Variants in STPG4 observed in about 807,000 individuals in gnomAD.
The protein encoded by STPG4 is protein STPG4.
A neutral mutation model predicts 31.5 loss-of-function variants in STPG4; 41 were observed. That is an observed-to-expected ratio of 1.30 (90% CI 1.01 to 1.69). STPG4 has a LOEUF of 1.69. STPG4 is among the 40% of genes most tolerant of loss of function. STPG4 has a pLI of 0.00. For missense variants in STPG4, 375 were observed against 293.4 expected (o/e 1.28, Z -2.03); for synonymous variants, 141 against 103.0 (o/e 1.37, Z -2.24).
At chr2:47,119,889 G>T (rs7584001) in intron 5 of STPG4, among the ~76,000 whole-genome samples, 20,260 of 152,148 alleles carry the variant, frequency 0.13, 1,517 homozygotes, top group African/African-American at 0.18. Flanking sequence ...AGACATTACA[G>T]GCAAAATTGT....
At chr2:47,142,614 G>C (rs1686737806) in intron 3 of STPG4, among the ~76,000 whole-genome samples, 1 of 152,028 alleles carries the variant, frequency 6.6e-6, no homozygotes, top group Admixed American at 6.6e-5. Flanking sequence ...TAGTCTCCTT[G>C]CTCCCTATCT....
At chr2:47,123,891 G>A (rs1041399671) in intron 5 of STPG4, among the ~76,000 whole-genome samples, 1 of 152,084 alleles carries the variant, frequency 6.6e-6, no homozygotes, top group Non-Finnish European at 1.5e-5. Context: ...AATAGTAACA[G>A]CAGGATAAAT....
At chr2:47,152,247 T>A (rs1261581819) in intron 2 of STPG4, among the ~76,000 whole-genome samples, 1 of 152,194 alleles carries the variant, frequency 6.6e-6, no homozygotes, top group Non-Finnish European at 1.5e-5. Flanking sequence ...TGAAGGATAA[T>A]GACATGACAC....
chr2:47,099,255 G>A (rs1434268503), intron 5 of STPG4, among the ~76,000 whole-genome samples: 1 of 152,160 alleles, frequency 6.6e-6, no homozygotes, highest in Non-Finnish European at 1.5e-5. Flanking sequence ...GGAGCAGAAG[G>A]CAACCCACAA....
At chr2:47,144,629 G>C (rs770280372) in intron 3 of STPG4, among the ~76,000 whole-genome samples, 1 of 152,102 alleles carries the variant, frequency 6.6e-6, no homozygotes, top group Non-Finnish European at 1.5e-5. Flanking sequence ...TCTGGTTTCT[G>C]CAAATGACAT....
chr2:47,151,561 T>G, intron 2 of STPG4, 46 bp from the exon 3 acceptor site: 1 of 1,559,188 alleles, frequency 6.4e-7, no homozygotes, highest in Non-Finnish European at 8.8e-7. Flanking sequence ...AACATGTAAC[T>G]TCTCCTAAAA....
At chr2:47,139,324 A>G (rs1247459838) in intron 3 of STPG4, among the ~76,000 whole-genome samples, 1 of 152,112 alleles carries the variant, frequency 6.6e-6, no homozygotes, top group African/African-American at 2.4e-5. Context: ...CTCCTTTATT[A>G]AGTAATGCCC....
rs1485247429 is a variant in STPG4, at chr2:47,112,260, A to T, written c.519+17681T>A. Among the ~76,000 whole-genome samples the T allele has an allele frequency of 2.6e-5, 4 of 152,194 alleles. No individual in the cohort carries two copies. In the South Asian group the frequency reaches 6.2e-4, roughly 24 times the overall value. On this transcript the variant is annotated intron_variant, in intron 5 of 6. Coordinates refer to ENST00000445927, the MANE Select transcript of STPG4 (RefSeq NM_001163561.2). ...CCGCTCACTGCAAACTCTGCCTCTC[A>T]GGTTCAAGCTATTCTTGGGCTTCAT... is the stretch of plus-strand genomic sequence containing the variant.
At chr2:47,152,255 C>G (rs4953469) in intron 2 of STPG4, among the ~76,000 whole-genome samples, 21,080 of 152,182 alleles carry the variant, frequency 0.14, 1,935 homozygotes, top group African/African-American at 0.25. Flanking sequence ...AATGACATGA[C>G]ACCAGGATAA....
intron 5 of STPG4, among the ~76,000 whole-genome samples, chr2:47,106,473 A>C (rs1299889310): frequency 1.3e-5 from 2 of 151,642 alleles, no homozygotes; most frequent in African/African-American, 2.4e-5. Context: ...ACTACCACAC[A>C]CTCTCAAAGG....
chr2:47,151,360 A>G lies in STPG4; in HGVS notation c.297T>C (p.Tyr99=). 3 of 1,614,212 alleles carry G rather than the reference A, an allele frequency of 1.9e-6. No homozygotes were observed. Among genetic ancestry groups the G allele is most frequent in the Non-Finnish European group, 2.5e-6 (3 of 1,180,044 alleles). Residue 99 remains tyrosine, a synonymous_variant, in exon 3 of 7, where the codon TAT becomes TAC. Transcript: ENST00000445927. Reference sequence around the variant, plus strand: ...ACAGGTCCAGGAAGTCAGGAGGCATATACTGCGGAAGATCATTTAGGACTG... The same window carrying G: ...ACAGGTCCAGGAAGTCAGGAGGCATGTACTGCGGAAGATCATTTAGGACTG... ...NNPVLNDLPQ[Y]MPPDFLDLLK... is the part of the protein sequence containing the mutation.
At position 47,151,466 on chromosome 2, in the gene STPG4, G is replaced by A; in HGVS notation, c.191C>T (p.Ser64Phe). The A allele has an allele frequency of 1.2e-6, 2 of 1,613,886 alleles. No individual in the cohort carries two copies. Among genetic ancestry groups the A allele is most frequent in the Non-Finnish European group, 1.7e-6 (2 of 1,179,780 alleles). Residue 64 changes from serine (S) to phenylalanine (F), a missense_variant, in exon 3 of 7, where the codon TCC becomes TTC. By Grantham distance (155) the Ser-to-Phe change is radical. Transcript: ENST00000445927. Reference sequence around the variant, plus strand: ...GGTTGCTATCACTGGATTTAATAGGGATTCTTCAATAAAAGTTTTCAAGTG... The same window carrying A: ...GGTTGCTATCACTGGATTTAATAGGAATTCTTCAATAAAAGTTTTCAAGTG... Reference protein sequence around the residue: ...TYHLKTFIEESLLNPVIATYN... With the variant: ...TYHLKTFIEEFLLNPVIATYN...
intron 6 of STPG4, among the ~76,000 whole-genome samples, chr2:47,089,447 C>T (rs1196413510): frequency 6.6e-6 from 1 of 152,152 alleles, no homozygotes; most frequent in Non-Finnish European, 1.5e-5. Flanking sequence ...AGTGGCAGTA[C>T]TAGTCCTCTC....
chr2:47,120,316 G>A (rs1167286459), intron 5 of STPG4, among the ~76,000 whole-genome samples: 1 of 152,180 alleles, frequency 6.6e-6, no homozygotes, highest in Non-Finnish European at 1.5e-5. Flanking sequence ...GGGCGACAGA[G>A]TGAGACTCTG....
Position 47,132,151 on chromosome 2 carries a change from C to T in STPG4, c.400-1891G>A, listed in dbSNP as rs568197191. Among the ~76,000 whole-genome samples the T allele has an allele frequency of 2.5e-3, 354 of 140,022 alleles. 2 individuals carry two copies. The highest frequency in any genetic ancestry group is 9.1e-3 in the African/African-American group (336 of 36,726). 91.9% of individuals were successfully genotyped at this position (140,022 alleles called of 152,430 possible). ...CTGGACTCCAGCCTGGGAAACAGAGCGAGACTCACTCTGAAAAAAAAAAAA... is the reference window on the plus strand; with the variant it reads ...CTGGACTCCAGCCTGGGAAACAGAGTGAGACTCACTCTGAAAAAAAAAAAA... On this transcript the variant is annotated intron_variant, in intron 3 of 6. Coordinates refer to ENST00000445927, the MANE Select transcript of STPG4 (RefSeq NM_001163561.2).
At chr2:47,136,504 C>A (rs78059288) in intron 3 of STPG4, among the ~76,000 whole-genome samples, 6 of 152,154 alleles carry the variant, frequency 3.9e-5, no homozygotes, top group Non-Finnish European at 5.9e-5. Context: ...AGATCGTGTA[C>A]ATATTTTGTT....
chr2:47,155,242 G>C lies in STPG4; in HGVS notation c.10C>G (p.Pro4Ala). ...GAGGTGGAAGCGGTGGCGACGGCTG[G>C]CTGGTCCATGGTGGCCTCCTCTCTC... MDQ[P>A]AVATASTSIR... Residue 4 changes from proline (P) to alanine (A), a missense_variant, in exon 1 of 7, where the codon CCA becomes GCA. Transcript: ENST00000445927. 1 of 1,614,094 alleles carries C rather than the reference G, an allele frequency of 6.2e-7. No homozygotes were observed. Among genetic ancestry groups the C allele is most frequent in the Non-Finnish European group, 8.5e-7 (1 of 1,179,998 alleles).
intron 5 of STPG4, among the ~76,000 whole-genome samples, chr2:47,117,444 G>C (rs1015837320): frequency 1.3e-5 from 2 of 152,036 alleles, no homozygotes; most frequent in African/African-American, 4.8e-5. Context: ...CCTGACCTCA[G>C]GTGATCTGCC....
chr2:47,124,886 A>G (rs1686336376), intron 5 of STPG4, among the ~76,000 whole-genome samples: 1 of 152,176 alleles, frequency 6.6e-6, no homozygotes, highest in Non-Finnish European at 1.5e-5. Context: ...CATTCTCACC[A>G]ACAGTGTACA....
Sources: gnomAD v4.1 joint callset for allele counts (sites outside exome capture counted in the v4.1 genomes callset) on GRCh38, gnomAD v4.1.1 for gene constraint, MANE v1.5 for transcripts, NCBI Gene and HGNC (gene_info 2026-07-23, HGNC 2026-07-21) for gene names.